Variants in MCAT observed in about 807,000 individuals in gnomAD.
MCAT encodes the protein malonyl-CoA-acyl carrier protein transacylase, mitochondrial.
In MCAT, 22 loss-of-function variants were observed where a neutral mutation model predicts 22.9. The observed-to-expected ratio is 0.96, with a 90% CI of 0.69 to 1.37. The LOEUF (loss-of-function observed/expected upper bound fraction) is 1.37. MCAT is among the 40% of genes most tolerant of loss of function. The pLI, the probability that MCAT is intolerant of heterozygous loss-of-function variation, is 0.00. For synonymous variants in MCAT, 240 were observed against 233.9 expected (o/e 1.03, Z -0.24); for missense variants, 534 against 533.6 (o/e 1.00, Z -0.01).
rs758706352 is a variant in MCAT at position 43,133,356 on chromosome 22, G to A, written c.860C>T (p.Ala287Val). 3.1e-6 allele frequency: 5 copies of A among 1,614,096 alleles called. No homozygotes were observed. The South Asian group carries it at 5.5e-5, about 18-fold the overall frequency. ...AACCAGAGGCTTCTTAATGTCGACT[G>A]CCTTTAAAGCTTGCGTCAGGGGCTC... Reference protein sequence around the residue: ...AVEPLTQALKAVDIKKPLVSV... With the variant: ...AVEPLTQALKVVDIKKPLVSV... Residue 287 changes from alanine to valine, a missense_variant, in exon 4 of 4, where the codon GCA becomes GTA. Physicochemically the swap from Ala to Val is moderately conservative, Grantham distance 64. Coordinates refer to ENST00000290429, the MANE Select transcript of MCAT (RefSeq NM_173467.5).
chr22:43,139,580 C>CTT (rs55787888), intron 2 of MCAT, among the ~76,000 whole-genome samples: 4,225 of 142,208 alleles, frequency 0.03, 164 homozygotes, highest in African/African-American at 0.087. Flanking sequence ...TAATTCTGCA[C>CTT]TTTTTTTTTT....
At position 43,137,687 on chromosome 22, in the gene MCAT, C is replaced by T. The variant is rs759382960; in HGVS notation, c.512-389G>A. 5.9e-5 allele frequency among the ~76,000 whole-genome samples: 9 copies of T among 151,812 alleles called. No individual in the cohort carries two copies. The South Asian group carries it at 6.2e-4, about 11-fold the overall frequency. On this transcript the variant is annotated intron_variant, in intron 2 of 3. Transcript: ENST00000290429. ...CAACATGCTGCACTGCACAGGTCAG[C>T]CCCCCTTGCCCCCAACAAAACAAAT...
Position 43,137,201 on chromosome 22 carries a change from C to G in MCAT, c.609G>C (p.Lys203Asn). Reference protein sequence around the residue: ...MLSVLGQPQSKFNFACLEARE... With the variant: ...MLSVLGQPQSNFNFACLEARE... Reference sequence around the variant, plus strand: ...GGGCTTCCAAACAGGCGAAGTTGAACTTGGACTGAGGCTGGCCGAGGACAG... The same window carrying G: ...GGGCTTCCAAACAGGCGAAGTTGAAGTTGGACTGAGGCTGGCCGAGGACAG... The change falls in exon 3 of 4, where the codon AAG becomes AAC. Residue 203 changes from lysine (K) to asparagine (N), a missense_variant. By Grantham distance (94) the Lys-to-Asn change is moderately conservative (BLOSUM62 0). Coordinates refer to ENST00000290429, the MANE Select transcript of MCAT (RefSeq NM_173467.5). 4.3e-6 allele frequency: 7 copies of G among 1,614,178 alleles called. No individual in the cohort carries two copies. Among genetic ancestry groups the G allele is most frequent in the Non-Finnish European group, 5.1e-6 (6 of 1,180,038 alleles).
At chr22:43,141,012 CA>C (rs779882557) in intron 2 of MCAT, 149 bp downstream of exon 2, 15 of 639,670 alleles carry the variant, frequency 2.3e-5, no homozygotes, top group Non-Finnish European at 8.5e-6. Flanking sequence ...GGAATCACAG[CA>C]AAGCCCTGTC....
intron 2 of MCAT, among the ~76,000 whole-genome samples, chr22:43,139,353 C>T (rs1930706177): frequency 1.3e-5 from 2 of 152,096 alleles, no homozygotes; most frequent in Middle Eastern, 6.8e-3. Context: ...TAGCGAGACC[C>T]CATCTCTACA....
At chr22:43,133,569 G>C (rs1057092995) in intron 3 of MCAT, 83 bp from the exon 4 acceptor site, 2 of 1,075,624 alleles carry the variant, frequency 1.9e-6, no homozygotes, top group Non-Finnish European at 2.7e-6. Flanking sequence ...GCCAAACTGG[G>C]AGGGTGACCA....
chr22:43,138,113 G>C lies in MCAT; in HGVS notation c.512-815C>G, dbSNP rs935517151. 8.5e-5 allele frequency among the ~76,000 whole-genome samples: 13 copies of C among 152,188 alleles called. 1 individual carries two copies. Among genetic ancestry groups the C allele is most frequent in the Non-Finnish European group, 1.5e-5 (1 of 68,034 alleles). On this transcript the variant is annotated intron_variant, in intron 2 of 3. Transcript: ENST00000290429. ...ATGGTGGTGCCTGCCTGTAGTCCCA[G>C]ATGCTTGGGAGGCTGACACGGAAGG...
At chr22:43,136,405 C>G (rs1036027338) in intron 3 of MCAT, among the ~76,000 whole-genome samples, 3 of 152,280 alleles carry the variant, frequency 2.0e-5, no homozygotes, top group Non-Finnish European at 4.4e-5. Flanking sequence ...TCAGCACCCA[C>G]TGCTCTTTCT....
At position 43,142,927 on chromosome 22, in the gene MCAT, G is replaced by T; in HGVS notation, c.422C>A (p.Ser141Ter). The change falls in exon 1 of 4, where the codon TCG becomes TAG. Residue 141 changes from serine (S) to a stop codon, truncating the protein, a stop_gained and splice_region_variant. Coordinates refer to ENST00000290429, the MANE Select transcript of MCAT (RefSeq NM_173467.5). LOFTEE classifies it high-confidence loss of function. Reference protein sequence around the residue: ...AVEKLHHLQPSVIENCVAAAG... With the variant: ...AVEKLHHLQP ...CTGTCACGGGGCCTCGGGCCTCACC[G>T]AGGGCTGCAGGTGATGTAGTTTCTC... 1.3e-6 allele frequency: 2 copies of T among 1,550,062 alleles called. No individual in the cohort carries two copies. The highest frequency in any genetic ancestry group is 1.7e-6 in the Non-Finnish European group (2 of 1,145,596).
At chr22:43,139,976 C>T (rs144724624) in intron 2 of MCAT, among the ~76,000 whole-genome samples, 4 of 151,856 alleles carry the variant, frequency 2.6e-5, no homozygotes, top group East Asian at 3.9e-4. Context: ...AATGTTATAA[C>T]GCTTAAAAAA....
intron 3 of MCAT, among the ~76,000 whole-genome samples, chr22:43,136,538 C>T (rs1486407854): frequency 6.6e-6 from 1 of 152,210 alleles, no homozygotes; most frequent in Non-Finnish European, 1.5e-5. Flanking sequence ...CTCACTGCAC[C>T]CCTCGGCCTG....
chr22:43,143,145 CG>C lies in MCAT; in HGVS notation c.203del (p.Pro68ArgfsTer38). The C allele has an allele frequency of 6.3e-7, 1 of 1,591,732 alleles. No individual in the cohort carries two copies. The highest frequency in any genetic ancestry group is 1.1e-5 in the South Asian group (1 of 89,528). On this transcript the variant is annotated frameshift_variant, in exon 1 of 4. Coordinates refer to ENST00000290429, the MANE Select transcript of MCAT (RefSeq NM_173467.5). LOFTEE classifies it high-confidence loss of function. ...TGCCCACCACCTGGCTGCCCTGGCC[CG>C]GGAAGAGCAGCACGGAGCACTGGCC... ...MPGQCSVLLF[P>X]GQGSQVVGMG... is the part of the protein sequence containing the mutation.
At chr22:43,135,319 A>G (rs1232404566) in intron 3 of MCAT, among the ~76,000 whole-genome samples, 4 of 152,158 alleles carry the variant, frequency 2.6e-5, no homozygotes, top group East Asian at 1.9e-4. Flanking sequence ...CCTGACCAAC[A>G]TGGTAAAACC....
Position 43,140,256 on chromosome 22 carries a change from C to T in MCAT, c.511+906G>A, listed in dbSNP as rs1007901614. ...GCAGTGGCACAATCGTGGCTCACTG[C>T]AGCCTCAGACTCAGGGGCTCAAGTG... On this transcript the variant is annotated intron_variant, in intron 2 of 3. Transcript: ENST00000290429. Among the ~76,000 whole-genome samples the T allele has an allele frequency of 3.9e-5, 6 of 152,320 alleles. No individual in the cohort carries two copies. In the East Asian group the frequency reaches 1.2e-3, roughly 29 times the overall value.
rs566477768 is a variant in MCAT at position 43,143,151 on chromosome 22, G to A, written c.198C>T (p.Leu66=). The change falls in exon 1 of 4, where the codon CTC becomes CTT. Residue 66 remains leucine, a synonymous_variant. Transcript: ENST00000290429. ...RRMPGQCSVL[L]FPGQGSQVVG... Reference sequence around the variant, plus strand: ...CCACCTGGCTGCCCTGGCCCGGGAAGAGCAGCACGGAGCACTGGCCCGGCA... The same window carrying A: ...CCACCTGGCTGCCCTGGCCCGGGAAAAGCAGCACGGAGCACTGGCCCGGCA... The A allele has an allele frequency of 1.5e-5, 24 of 1,581,350 alleles. No individual in the cohort carries two copies. The African/African-American group carries it at 2.7e-4, about 18-fold the overall frequency.
At chr22:43,142,784 A>G in intron 1 of MCAT, 142 bp downstream of exon 1, 1 of 931,998 alleles carries the variant, frequency 1.1e-6, no homozygotes. Flanking sequence ...CAAAAAAAAA[A>G]ACAAAAACAA....
At position 43,143,266 on chromosome 22, in the gene MCAT, G is replaced by T; in HGVS notation, c.83C>A (p.Pro28His). The T allele has an allele frequency of 6.9e-7, 1 of 1,443,434 alleles. No homozygotes were observed. The highest frequency in any genetic ancestry group is 9.0e-7 in the Non-Finnish European group (1 of 1,108,666). 89.4% of individuals were successfully genotyped at this position (1,443,434 alleles called of 1,614,324 possible). A position where few individuals can be genotyped will look rare whatever the true frequency, so the allele number is the denominator to read the frequency against. ...YRRGASSFPV[P>H]PPGAQGVAEL... ...CGCTACACCCTGGGCGCCCGGCGGA[G>T]GCACCGGGAAGCTCGAGGCGCCGCG... is the stretch of plus-strand genomic sequence containing the variant. The change falls in exon 1 of 4, where the codon CCT becomes CAT. Residue 28 changes from proline to histidine, a missense_variant. By Grantham distance (77) the Pro-to-His change is moderately conservative (BLOSUM62 -2). Coordinates refer to ENST00000290429, the MANE Select transcript of MCAT (RefSeq NM_173467.5).
chr22:43,139,137 G>A (rs975148330), intron 2 of MCAT, among the ~76,000 whole-genome samples: 12 of 152,116 alleles, frequency 7.9e-5, no homozygotes, highest in African/African-American at 2.7e-4. Context: ...ACAAGAGCCT[G>A]TGACAAGAAG....
Position 43,143,171 on chromosome 22 carries a change from C to T in MCAT, c.178G>A (p.Gly60Ser), listed in dbSNP as rs771747387. ...GGGAAGAGCAGCACGGAGCACTGGC[C>T]CGGCATTCGCCGCTCCGTCGCCGCC... ...PWAATERRMP[G>S]QCSVLLFPGQ... The change falls in exon 1 of 4, where the codon GGC (glycine) becomes AGC (serine). Residue 60 changes from glycine (G) to serine (S), a missense_variant. Transcript: ENST00000290429. 1.3e-6 allele frequency: 2 copies of T among 1,557,932 alleles called. No homozygotes were observed. Among genetic ancestry groups the T allele is most frequent in the South Asian group, 1.2e-5 (1 of 85,410 alleles).
Sources: allele counts gnomAD v4.1 joint callset (sites outside exome capture counted in the v4.1 genomes callset), GRCh38; gene constraint gnomAD v4.1.1; transcripts MANE v1.5; gene names NCBI Gene and HGNC (gene_info 2026-07-23, HGNC 2026-07-21).